Variants in KLHDC1 observed in about 807,000 individuals in gnomAD.
The protein encoded by KLHDC1 is kelch domain-containing protein 1.
In KLHDC1, 53 loss-of-function variants were observed where a neutral mutation model predicts 68.3. That is an observed-to-expected ratio of 0.78 (90% CI 0.62 to 0.98). KLHDC1 has a LOEUF of 0.98. KLHDC1 is among the 50% of genes least tolerant of loss of function. The pLI, the probability that KLHDC1 is intolerant of heterozygous loss-of-function variation, is 0.00. For synonymous variants in KLHDC1, 148 were observed against 159.0 expected, an observed-to-expected ratio of 0.93 and a Z score of 0.52; for missense variants, 470 against 492.3, an observed-to-expected ratio of 0.95 and a Z score of 0.43.
chr14:49,710,552 CT>C (rs1888172968), intron 4 of KLHDC1, among the ~76,000 whole-genome samples, 171 bp downstream of exon 4: 1 of 152,112 alleles, frequency 6.6e-6, no homozygotes, highest in African/African-American at 2.4e-5. Flanking sequence ...AATCTTTAAA[CT>C]TTTTGTTGTC....
At chr14:49,730,051 T>C (rs557089678) in intron 8 of KLHDC1, among the ~76,000 whole-genome samples, 1 of 152,274 alleles carries the variant, frequency 6.6e-6, no homozygotes, top group Non-Finnish European at 1.5e-5. Context: ...CTTTAAAATG[T>C]TGGCATGGAG....
chr14:49,693,737 C>T (rs4600387), intron 1 of KLHDC1, among the ~76,000 whole-genome samples: 57 of 111,722 alleles, frequency 5.1e-4, no homozygotes, highest in South Asian at 1.4e-3. Context: ...TATTTATTTT[C>T]TTTTCTTTTT....
In KLHDC1 at chr14:49,709,177, G is replaced by C; in HGVS notation, c.115G>C (p.Val39Leu). 7.3e-7 allele frequency: 1 copy of C among 1,364,196 alleles called. No individual in the cohort carries two copies. The highest frequency in any genetic ancestry group is 1.0e-6 in the Non-Finnish European group (1 of 969,054). The allele number at this position is 1,364,196 out of a possible 1,614,324, so 84.5% of individuals were successfully genotyped here. A position where few individuals can be genotyped will look rare whatever the true frequency, so the allele number is the denominator to read the frequency against. ...TTTTTAGTCTATTGAAGACAATGAAGTATATTTGCCTAATGATGAAATTTG... is the reference window on the plus strand; with the variant it reads ...TTTTTAGTCTATTGAAGACAATGAACTATATTTGCCTAATGATGAAATTTG... Reference protein sequence around the residue: ...GGYVSIEDNEVYLPNDEIWTY... With the variant: ...GGYVSIEDNELYLPNDEIWTY... The change falls in exon 2 of 13, where the codon GTA (valine) becomes CTA (leucine). Residue 39 changes from valine to leucine, a missense_variant. Coordinates refer to ENST00000359332, the MANE Select transcript of KLHDC1 (RefSeq NM_172193.3).
intron 1 of KLHDC1, 142 bp downstream of exon 1, chr14:49,693,432 G>A: frequency 2.3e-6 from 1 of 425,692 alleles, no homozygotes; most frequent in Non-Finnish European, 3.9e-6. Context: ...CCCCTCCGCT[G>A]GCCGCCGCCC....
At chr14:49,709,906 T>A in intron 3 of KLHDC1, 80 bp downstream of exon 3, 1 of 727,206 alleles carries the variant, frequency 1.4e-6, no homozygotes, top group Non-Finnish European at 2.2e-6. Context: ...ACAAATATTT[T>A]AAAAAGAAGA....
At chr14:49,741,721 G>A (rs750385054) in intron 11 of KLHDC1, among the ~76,000 whole-genome samples, 31 of 152,138 alleles carry the variant, frequency 2.0e-4, no homozygotes, top group Non-Finnish European at 3.7e-4. Context: ...GCATAAATGA[G>A]TAGCATTTGG....
At chr14:49,718,582 A>G (rs951211316) in intron 4 of KLHDC1, among the ~76,000 whole-genome samples, 2 of 151,940 alleles carry the variant, frequency 1.3e-5, no homozygotes, top group African/African-American at 2.4e-5. Context: ...TGCCTAGCAT[A>G]GTATTCTTTT....
chr14:49,703,199 C>A (rs1249359473), intron 1 of KLHDC1, among the ~76,000 whole-genome samples: 1 of 151,836 alleles, frequency 6.6e-6, no homozygotes, highest in Non-Finnish European at 1.5e-5. Flanking sequence ...TCCTTTTATC[C>A]TGCATTGATT....
At chr14:49,698,392 C>T (rs546919807) in intron 1 of KLHDC1, among the ~76,000 whole-genome samples, 8 of 152,044 alleles carry the variant, frequency 5.3e-5, no homozygotes, top group South Asian at 2.1e-4. Context: ...TTAGTACAGG[C>T]GGGGTTTCAC....
intron 1 of KLHDC1, among the ~76,000 whole-genome samples, chr14:49,701,491 C>G (rs1010424912): frequency 6.6e-6 from 1 of 151,970 alleles, no homozygotes; most frequent in Non-Finnish European, 1.5e-5. Context: ...GAAACCCCGT[C>G]TCTACTAAAA....
intron 1 of KLHDC1, among the ~76,000 whole-genome samples, chr14:49,702,265 C>A (rs1391554051): frequency 6.6e-6 from 1 of 150,946 alleles, no homozygotes; most frequent in African/African-American, 2.4e-5. Context: ...ACAAAGGAAA[C>A]CCAGGTAAAA....
chr14:49,727,380 C>A (rs1478802809), intron 6 of KLHDC1, among the ~76,000 whole-genome samples: 1 of 152,104 alleles, frequency 6.6e-6, no homozygotes, highest in Non-Finnish European at 1.5e-5. Context: ...TTGCTAGGAA[C>A]AGGAGGCTAT....
chr14:49,725,840 T>G, intron 6 of KLHDC1, 71 bp downstream of exon 6: 1 of 789,238 alleles, frequency 1.3e-6, no homozygotes, highest in South Asian at 1.9e-5. Flanking sequence ...GATTTTGGGT[T>G]TTTTTTTGTT....
intron 4 of KLHDC1, among the ~76,000 whole-genome samples, chr14:49,715,104 T>G (rs930573734): frequency 6.7e-6 from 1 of 148,202 alleles, no homozygotes; most frequent in South Asian, 2.1e-4. Flanking sequence ...AGTGTATATA[T>G]ATTCATATAT....
In KLHDC1 at chr14:49,701,895, G is replaced by A. The variant is rs778531758; in HGVS notation, c.97-7264G>A. On this transcript the variant is annotated intron_variant, in intron 1 of 12. Coordinates refer to ENST00000359332, the MANE Select transcript of KLHDC1 (RefSeq NM_172193.3). ...CTAAAAATACAAAAATTAGCCGGGCGTGGTGGCTCACGCCTGTAATCCCAG... is the reference window on the plus strand; with the variant it reads ...CTAAAAATACAAAAATTAGCCGGGCATGGTGGCTCACGCCTGTAATCCCAG... Among the ~76,000 whole-genome samples, 11 of 151,926 alleles carry A rather than the reference G, an allele frequency of 7.2e-5. No individual in the cohort carries two copies. The East Asian group carries it at 1.6e-3, about 21-fold the overall frequency.
intron 10 of KLHDC1, 67 bp from the exon 11 acceptor site, chr14:49,740,031 G>T: frequency 1.2e-6 from 1 of 834,462 alleles, no homozygotes; most frequent in South Asian, 1.8e-5. Flanking sequence ...ATTTAGAATT[G>T]ATTTATATAT....
chr14:49,743,200 C>T (rs1310717328), intron 11 of KLHDC1, among the ~76,000 whole-genome samples: 1 of 151,350 alleles, frequency 6.6e-6, no homozygotes, highest in Non-Finnish European at 1.5e-5. Context: ...AGTTCGAAAC[C>T]AGCCTGGCCA....
At chr14:49,739,326 A>G (rs1002304723) in intron 10 of KLHDC1, among the ~76,000 whole-genome samples, 3 of 152,204 alleles carry the variant, frequency 2.0e-5, no homozygotes, top group Non-Finnish European at 2.9e-5. Flanking sequence ...GGAAAAAGAA[A>G]CTGGTTGATC....
chr14:49,712,949 C>CTT (rs765770912), intron 4 of KLHDC1, among the ~76,000 whole-genome samples: 1 of 136,948 alleles, frequency 7.3e-6, no homozygotes, highest in Non-Finnish European at 1.6e-5. Flanking sequence ...CCATAGCTAA[C>CTT]TTTTTTTTTT....
Sources: allele counts gnomAD v4.1 joint callset (sites outside exome capture counted in the v4.1 genomes callset), GRCh38; gene constraint gnomAD v4.1.1; transcripts MANE v1.5; gene names NCBI Gene and HGNC (gene_info 2026-07-23, HGNC 2026-07-21).